The following JMY variants were observed in gnomAD, a reference collection of about 807,000 sequenced individuals.
JMY encodes the protein junction-mediating and -regulatory protein.
In JMY, 46 loss-of-function variants were observed where a neutral mutation model predicts 103.3. That is an observed-to-expected ratio of 0.45 (90% CI 0.35 to 0.57). The LOEUF (loss-of-function observed/expected upper bound fraction) is 0.57, where lower values mean the gene tolerates loss of function less well. Ranked by LOEUF, JMY falls within the 20% of genes least tolerant of loss-of-function variation. The pLI, the probability that JMY is intolerant of heterozygous loss-of-function variation, is 0.00. For synonymous variants in JMY, 526 were observed against 489.3 expected, an observed-to-expected ratio of 1.07 and a Z score of -0.99; for missense variants, 1,238 against 1,255.2, an observed-to-expected ratio of 0.99 and a Z score of 0.21.
At chr5:79,267,289 C>G (rs1018116639) in intron 1 of JMY, among the ~76,000 whole-genome samples, 2 of 152,100 alleles carry the variant, frequency 1.3e-5, no homozygotes, top group Non-Finnish European at 2.9e-5. Flanking sequence ...TGCATAATGT[C>G]CTGCTGTCCT....
rs992430251 is a variant in JMY, at chr5:79,314,531, T to C, written c.2339T>C (p.Leu780Pro). ...CCTCTCAGTGGTGTTACCTCTGAAC[T>C]GCCTCCCACTATATCTCTTCCACTT... ...SLPLSGVTSE[L>P]PPTISLPLLN... is the part of the protein sequence containing the mutation. Residue 780 changes from leucine to proline, a missense_variant, in exon 9 of 11, where the codon CTG becomes CCG. Transcript: ENST00000396137. 1.2e-6 allele frequency: 2 copies of C among 1,614,010 alleles called. No homozygotes were observed. The highest frequency in any genetic ancestry group is 1.7e-6 in the Non-Finnish European group (2 of 1,179,986).
rs1580358935 is a variant in JMY, at chr5:79,291,438, T to G, written c.1527+139T>G. 4.8e-5 allele frequency: 31 copies of G among 648,784 alleles called. No homozygotes were observed. In the East Asian group the frequency reaches 8.5e-4, roughly 18 times the overall value. The allele number at this position is 648,784 out of a possible 1,614,324, so 40.2% of individuals were successfully genotyped here. Reference sequence around the variant, plus strand: ...AGATGAAAACACTTAGAATAGGTCCTGTGACTTAAGTTGTCATTAGAAGAG... The same window carrying G: ...AGATGAAAACACTTAGAATAGGTCCGGTGACTTAAGTTGTCATTAGAAGAG... On this transcript the variant is annotated intron_variant, in intron 4 of 10. Coordinates refer to ENST00000396137, the MANE Select transcript of JMY (RefSeq NM_152405.5).
At chr5:79,291,413 A>G in intron 4 of JMY, 114 bp downstream of exon 4, 1 of 813,790 alleles carries the variant, frequency 1.2e-6, no homozygotes, top group East Asian at 2.7e-5. Context: ...CATCTTCATG[A>G]GATGAAAACA....
Position 79,316,210 on chromosome 5 carries a change from C to G in JMY, c.2870C>G (p.Thr957Arg). The G allele has an allele frequency of 6.2e-7, 1 of 1,614,090 alleles. No individual in the cohort carries two copies. Among genetic ancestry groups the G allele is most frequent in the Non-Finnish European group, 8.5e-7 (1 of 1,179,958 alleles). The change falls in exon 10 of 11, where the codon ACA (threonine) becomes AGA (arginine). Residue 957 changes from threonine to arginine, a missense_variant. Transcript: ENST00000396137. The stretch of plus-strand genomic sequence containing the variant: ...CTTCTACCCGATACAGACCCTCTAA[C>G]ACGGAGCATCCATGAAGCTCTTAGA... Reference protein sequence around the residue: ...FTLLPDTDPLTRSIHEALRRI... With the variant: ...FTLLPDTDPLRRSIHEALRRI...
intron 2 of JMY, among the ~76,000 whole-genome samples, chr5:79,285,940 C>T (rs539176868): frequency 2.1e-5 from 3 of 144,930 alleles, no homozygotes; most frequent in East Asian, 2.0e-4. Context: ...AAACTAGTTT[C>T]GCTATCCTAG....
chr5:79,253,698 C>A (rs1745157321), intron 1 of JMY, among the ~76,000 whole-genome samples: 1 of 152,054 alleles, frequency 6.6e-6, no homozygotes, highest in Non-Finnish European at 1.5e-5. Flanking sequence ...TTTGTACTTT[C>A]AGATGATTTT....
chr5:79,327,077 TCA>T lies in JMY; in HGVS notation c.*5476_*5477del, dbSNP rs574587822. 6.6e-5 allele frequency: 10 copies of T among 152,210 alleles called. No homozygotes were observed. Among genetic ancestry groups the T allele is most frequent in the Non-Finnish European group, 1.5e-4 (10 of 68,028 alleles). 9.4% of individuals were successfully genotyped at this position (152,210 alleles called of 1,614,324 possible). A position where few individuals can be genotyped will look rare whatever the true frequency, so the allele number is the denominator to read the frequency against. ...TTTCATGTTTTTTACACTCATGACT[TCA>T]GAGTTAAGTACTTGTACACCAAGTA... is the stretch of plus-strand genomic sequence containing the variant. On this transcript the variant is annotated 3_prime_UTR_variant, in exon 11 of 11. Coordinates refer to ENST00000396137, the MANE Select transcript of JMY (RefSeq NM_152405.5).
Position 79,323,388 on chromosome 5 carries a change from A to G in JMY, c.*1786A>G, listed in dbSNP as rs1464470355. 1 of 152,238 alleles carries G rather than the reference A, an allele frequency of 6.6e-6. No individual in the cohort carries two copies. The highest frequency in any genetic ancestry group is 2.4e-5 in the African/African-American group (1 of 41,466). The allele number at this position is 152,238 out of a possible 1,614,324, so 9.4% of individuals were successfully genotyped here. On this transcript the variant is annotated 3_prime_UTR_variant, in exon 11 of 11. Transcript: ENST00000396137. ...CATCTTATCTGGGAAGATTAGAAAT[A>G]CAGATGTAATATGGAAGCTTCAACA...
At position 79,323,655 on chromosome 5, in the gene JMY, A is replaced by G. The variant is rs1288054247; in HGVS notation, c.*2053A>G. On this transcript the variant is annotated 3_prime_UTR_variant, in exon 11 of 11. Coordinates refer to ENST00000396137, the MANE Select transcript of JMY (RefSeq NM_152405.5). ...TTTTCATTTATTCAAATTCAGAAAAATACGGACGGATCTAATGTTAAATTA... is the reference window on the plus strand; with the variant it reads ...TTTTCATTTATTCAAATTCAGAAAAGTACGGACGGATCTAATGTTAAATTA... 1 of 152,198 alleles carries G rather than the reference A, an allele frequency of 6.6e-6. No individual in the cohort carries two copies. The highest frequency in any genetic ancestry group is 1.5e-5 in the Non-Finnish European group (1 of 68,036). The allele number at this position is 152,198 out of a possible 1,614,324, so 9.4% of individuals were successfully genotyped here.
At chr5:79,238,765 A>G (rs1744642064) in intron 1 of JMY, among the ~76,000 whole-genome samples, 1 of 148,316 alleles carries the variant, frequency 6.7e-6, no homozygotes, top group East Asian at 2.0e-4. Context: ...CTCCTGCCTC[A>G]GACTCCTGAG....
At chr5:79,306,556 C>A in intron 7 of JMY, 95 bp downstream of exon 7, 1 of 860,360 alleles carries the variant, frequency 1.2e-6, no homozygotes, top group Non-Finnish European at 1.9e-6. Flanking sequence ...AAACTTATAA[C>A]TGCATGTTAA....
chr5:79,322,046 T>C lies in JMY; in HGVS notation c.*444T>C, dbSNP rs902644230. ...AAAAATAGCTTCTTCCATATCAGCT[T>C]ATATTAAATACTGTGACACTCTGAG... On this transcript the variant is annotated 3_prime_UTR_variant, in exon 11 of 11. Transcript: ENST00000396137. 6.6e-6 allele frequency: 1 copy of C among 152,226 alleles called. No individual in the cohort carries two copies. The highest frequency in any genetic ancestry group is 1.5e-5 in the Non-Finnish European group (1 of 68,040). The allele number at this position is 152,226 out of a possible 1,614,324, so 9.4% of individuals were successfully genotyped here.
At chr5:79,284,039 T>C (rs1279611214) in intron 2 of JMY, 2 of 735,814 alleles carry the variant, frequency 2.7e-6, no homozygotes, top group African/African-American at 5.2e-5. Flanking sequence ...AACAGCAAGG[T>C]ACAAATTACT....
intron 1 of JMY, among the ~76,000 whole-genome samples, chr5:79,274,524 C>T (rs1289697528): frequency 6.6e-6 from 1 of 152,130 alleles, no homozygotes; most frequent in African/African-American, 2.4e-5. Context: ...TCTCCTGCCT[C>T]AGCCTCCCCA....
chr5:79,312,876 C>G (rs1001608634), intron 8 of JMY, among the ~76,000 whole-genome samples: 11 of 152,088 alleles, frequency 7.2e-5, no homozygotes, highest in African/African-American at 2.7e-4. Flanking sequence ...ATCAAATGAC[C>G]ATTGGCAGAA....
chr5:79,239,541 T>A (rs1170995501), intron 1 of JMY, among the ~76,000 whole-genome samples: 1 of 152,194 alleles, frequency 6.6e-6, no homozygotes, highest in East Asian at 1.9e-4. Context: ...TCGCGGTGGC[T>A]CATGCCTGTA....
intron 7 of JMY, among the ~76,000 whole-genome samples, chr5:79,309,844 T>A (rs1041739330): frequency 6.6e-6 from 1 of 152,126 alleles, no homozygotes; most frequent in Non-Finnish European, 1.5e-5. Context: ...GTGAGGTAAG[T>A]TGCTCCCTGC....
chr5:79,284,549 A>G (rs1455683489), intron 2 of JMY: 15 of 1,540,264 alleles, frequency 9.7e-6, no homozygotes, highest in Non-Finnish European at 1.2e-5. Context: ...CCTGACGTCA[A>G]CGTGAGCTTC....
rs138361837 is a variant in JMY at position 79,296,059 on chromosome 5, A to G, written c.1528-4094A>G. ...CAAAACCATTATCTGAATTCCCTGA[A>G]GACAGATATATTTCAGAATCCCAGG... On this transcript the variant is annotated intron_variant, in intron 4 of 10. Coordinates refer to ENST00000396137, the MANE Select transcript of JMY (RefSeq NM_152405.5). Among the ~76,000 whole-genome samples the G allele has an allele frequency of 3.5e-4, 54 of 152,298 alleles. No homozygotes were observed. In the East Asian group the frequency reaches 9.4e-3, roughly 27 times the overall value.
Sources: allele counts gnomAD v4.1 joint callset (sites outside exome capture counted in the v4.1 genomes callset), GRCh38; gene constraint gnomAD v4.1.1; transcripts MANE v1.5; gene names NCBI Gene and HGNC (gene_info 2026-07-23, HGNC 2026-07-21).